The following TNNI3K variants were observed in gnomAD, a reference collection of about 807,000 sequenced individuals.
TNNI3K encodes the protein serine/threonine-protein kinase TNNI3K.
Under a neutral mutation model 114.5 loss-of-function variants are expected in TNNI3K, and 140 were observed. The ratio of observed to expected loss-of-function variants is 1.22; its 90% confidence interval spans 1.07 to 1.41. The LOEUF (loss-of-function observed/expected upper bound fraction) is 1.41. Ranked by LOEUF, TNNI3K falls within the 40% of genes most tolerant of loss-of-function variation. TNNI3K has a pLI of 0.00. For synonymous variants in TNNI3K, 347 were observed against 347.5 expected, an observed-to-expected ratio of 1.00 and a Z score of 0.02; for missense variants, 1,125 against 1,007.6, an observed-to-expected ratio of 1.12 and a Z score of -1.58.
intron 5 of TNNI3K, among the ~76,000 whole-genome samples, chr1:74,298,328 T>C (rs1406269452): frequency 2.0e-5 from 3 of 152,146 alleles, no homozygotes; most frequent in Admixed American, 6.5e-5. Context: ...GTAGTGTAAA[T>C]AGTAATGAAT....
intron 12 of TNNI3K, among the ~76,000 whole-genome samples, 187 bp downstream of exon 12, chr1:74,367,529 A>C (rs1274891285): frequency 1.3e-5 from 2 of 151,794 alleles, no homozygotes; most frequent in African/African-American, 4.8e-5. Context: ...CATTTCAGCT[A>C]TTTTCTAACT....
chr1:74,289,890 C>CTT (rs200431349), intron 5 of TNNI3K, among the ~76,000 whole-genome samples: 2,798 of 151,962 alleles, frequency 0.018, 66 homozygotes, highest in Admixed American at 0.053. Context: ...GAATGAGAGA[C>CTT]AGTCACTTTG....
chr1:74,429,545 A>T (rs558382237), intron 17 of TNNI3K, among the ~76,000 whole-genome samples: 48 of 152,074 alleles, frequency 3.2e-4, no homozygotes, highest in Non-Finnish European at 5.1e-4. Context: ...GACTCAAGAG[A>T]AGAGAAAAAT....
intron 5 of TNNI3K, among the ~76,000 whole-genome samples, chr1:74,323,474 A>G (rs1659735080): frequency 6.6e-6 from 1 of 151,794 alleles, no homozygotes; most frequent in Admixed American, 6.6e-5. Context: ...CTAATGCTTC[A>G]TTCAAAATAA....
intron 23 of TNNI3K, among the ~76,000 whole-genome samples, chr1:74,511,976 G>A (rs1415637241): frequency 2.6e-5 from 4 of 152,172 alleles, no homozygotes; most frequent in Non-Finnish European, 5.9e-5. Context: ...AGAACATGGA[G>A]TCAAGTAAGT....
intron 7 of TNNI3K, among the ~76,000 whole-genome samples, chr1:74,338,748 A>C (rs1660607449): frequency 6.6e-6 from 1 of 152,200 alleles, no homozygotes; most frequent in South Asian, 2.1e-4. Flanking sequence ...TCCAGTTTCC[A>C]AGTTGTAAAC....
chr1:74,422,800 C>T (rs886964064), intron 17 of TNNI3K, among the ~76,000 whole-genome samples: 1 of 152,036 alleles, frequency 6.6e-6, no homozygotes, highest in Non-Finnish European at 1.5e-5. Context: ...ACAAAATGTT[C>T]TTCAGCAGGG....
intron 21 of TNNI3K, chr1:74,470,143 G>A: frequency 2.5e-6 from 1 of 400,626 alleles, no homozygotes; most frequent in Non-Finnish European, 4.4e-6. Context: ...GTTAACTTCA[G>A]GATCTACTTC....
intron 2 of TNNI3K, among the ~76,000 whole-genome samples, chr1:74,238,207 G>A (rs1175456379): frequency 1.3e-5 from 2 of 152,136 alleles, no homozygotes; most frequent in East Asian, 3.9e-4. Context: ...AGAAAGCTAT[G>A]TGAATCAATG....
chr1:74,432,583 T>G (rs145048179), intron 17 of TNNI3K, among the ~76,000 whole-genome samples: 38 of 152,220 alleles, frequency 2.5e-4, no homozygotes, highest in Non-Finnish European at 4.9e-4. Flanking sequence ...AAAGAGCCTA[T>G]GACATAGCAT....
intron 21 of TNNI3K, chr1:74,480,815 G>A (rs1388999677): frequency 1.1e-5 from 8 of 717,448 alleles, no homozygotes; most frequent in Non-Finnish European, 2.1e-5. Flanking sequence ...CCGCAACATC[G>A]TAAGCCCATG....
At chr1:74,418,281 A>T in intron 17 of TNNI3K, 2 of 395,216 alleles carry the variant, frequency 5.1e-6, no homozygotes, top group Non-Finnish European at 1.0e-5. Context: ...GTTCCTAACG[A>T]ATGAAGTCAC....
At chr1:74,424,328 G>A (rs1248104973) in intron 17 of TNNI3K, among the ~76,000 whole-genome samples, 1 of 152,142 alleles carries the variant, frequency 6.6e-6, no homozygotes, top group Non-Finnish European at 1.5e-5. Context: ...GTTTATTGGA[G>A]TAGTAAAGAC....
intron 24 of TNNI3K, among the ~76,000 whole-genome samples, chr1:74,543,199 T>C (rs539568729): frequency 8.3e-4 from 125 of 149,838 alleles, no homozygotes; most frequent in African/African-American, 3.0e-3. Flanking sequence ...CTCAGCCTCC[T>C]GAGTAGCTGA....
chr1:74,369,070 A>G lies in TNNI3K; in HGVS notation c.1370A>G (p.His457Arg). The G allele has an allele frequency of 6.2e-7, 1 of 1,610,310 alleles. No homozygotes were observed. The highest frequency in any genetic ancestry group is 8.5e-7 in the Non-Finnish European group (1 of 1,178,332). ...LLRAGLPSHF[H>R]LQLSEIEFHE... ...AGAGCTGGATTGCCTTCACATTTCC[A>G]TCTTCAGCTCTCAGAAATTGAGTTC... Residue 457 changes from histidine to arginine, a missense_variant, in exon 14 of 25, where the codon CAT becomes CGT. Coordinates refer to ENST00000326637, the MANE Select transcript of TNNI3K (RefSeq NM_015978.3).
chr1:74,538,274 G>A (rs1402094771), intron 23 of TNNI3K, among the ~76,000 whole-genome samples: 2 of 152,124 alleles, frequency 1.3e-5, no homozygotes. Flanking sequence ...AGAGGACTTG[G>A]TATATCGGCT....
intron 4 of TNNI3K, among the ~76,000 whole-genome samples, chr1:74,255,982 C>T (rs1249819937): frequency 6.6e-6 from 1 of 152,092 alleles, no homozygotes; most frequent in Non-Finnish European, 1.5e-5. Flanking sequence ...ATTGTATTCC[C>T]TTATATGGAT....
chr1:74,393,276 C>CA (rs11413460), intron 17 of TNNI3K, among the ~76,000 whole-genome samples: 88,249 of 149,468 alleles, frequency 0.59, 30,757 homozygotes, highest in East Asian at 0.83. Flanking sequence ...GCATTCTGGA[C>CA]AAAAAAAAAT....
intron 9 of TNNI3K, among the ~76,000 whole-genome samples, 198 bp from the exon 10 acceptor site, chr1:74,353,068 A>T (rs1285916350): frequency 6.6e-6 from 1 of 152,086 alleles, no homozygotes; most frequent in Non-Finnish European, 1.5e-5. Context: ...TGTAGACTGG[A>T]GCTGTTCCTA....
Sources: allele counts gnomAD v4.1 joint callset (sites outside exome capture counted in the v4.1 genomes callset), GRCh38; gene constraint gnomAD v4.1.1; transcripts MANE v1.5; gene names NCBI Gene and HGNC (gene_info 2026-07-23, HGNC 2026-07-21).